The following FBXO10 variants were observed in gnomAD, a reference collection of about 807,000 sequenced individuals.
The protein encoded by FBXO10 is F-box protein 10.
FBXO10 carries 39 observed loss-of-function variants against 80.7 expected under a neutral mutation model. That is an observed-to-expected ratio of 0.48 (90% CI 0.37 to 0.63). The LOEUF (loss-of-function observed/expected upper bound fraction) is 0.63. Among genes scored for constraint, FBXO10 ranks in the 30% least tolerant of loss-of-function variants. The pLI is 0.00. For synonymous variants in FBXO10, 449 were observed against 489.6 expected (o/e 0.92, Z 1.09); for missense variants, 1,025 against 1,269.0 (o/e 0.81, Z 2.92).
intron 1 of FBXO10, among the ~76,000 whole-genome samples, chr9:37,543,577 C>A (rs1287494309): frequency 1.3e-5 from 2 of 152,132 alleles, no homozygotes; most frequent in Admixed American, 1.3e-4. Flanking sequence ...GAGAAAAGGG[C>A]AGAAGCAAGG....
intron 1 of FBXO10, among the ~76,000 whole-genome samples, chr9:37,545,154 CT>C (rs1822025018): frequency 7.1e-6 from 1 of 140,294 alleles, no homozygotes; most frequent in African/African-American, 2.7e-5. Context: ...TCGTTTATTT[CT>C]TTAGTTATAC....
At chr9:37,543,868 G>T (rs761342800) in intron 1 of FBXO10, among the ~76,000 whole-genome samples, 5 of 152,170 alleles carry the variant, frequency 3.3e-5, no homozygotes, top group Non-Finnish European at 7.4e-5. Context: ...GGTGGCTCAC[G>T]CCTGTAATCC....
chr9:37,552,853 C>T (rs1305067832), intron 1 of FBXO10, among the ~76,000 whole-genome samples: 1 of 152,170 alleles, frequency 6.6e-6, no homozygotes, highest in East Asian at 1.9e-4. Flanking sequence ...TGTCTGCACA[C>T]TGCAGAAGGA....
chr9:37,564,408 G>A (rs1168103016), intron 1 of FBXO10, among the ~76,000 whole-genome samples: 1 of 152,174 alleles, frequency 6.6e-6, no homozygotes, highest in East Asian at 1.9e-4. Context: ...GGAGCTGTGA[G>A]AAGAAGGTCA....
chr9:37,569,460 C>T (rs1588864117), intron 1 of FBXO10, among the ~76,000 whole-genome samples: 1 of 137,882 alleles, frequency 7.3e-6, no homozygotes, highest in South Asian at 2.3e-4. Flanking sequence ...GATATTTAAA[C>T]ACATCCCTCT....
At chr9:37,553,097 A>G (rs1822245891) in intron 1 of FBXO10, among the ~76,000 whole-genome samples, 1 of 150,780 alleles carries the variant, frequency 6.6e-6, no homozygotes, top group Non-Finnish European at 1.5e-5. Flanking sequence ...GCTGGAGTGT[A>G]GTGGTGCAAT....
intron 10 of FBXO10, among the ~76,000 whole-genome samples, chr9:37,514,752 T>G (rs1821141961): frequency 6.6e-6 from 1 of 152,004 alleles, no homozygotes; most frequent in Non-Finnish European, 1.5e-5. Context: ...GAGGATCGCT[T>G]GAATCTGGGA....
At chr9:37,543,588 G>A (rs1361804703) in intron 1 of FBXO10, among the ~76,000 whole-genome samples, 1 of 152,094 alleles carries the variant, frequency 6.6e-6, no homozygotes, top group Non-Finnish European at 1.5e-5. Context: ...AGAAGCAAGG[G>A]GCATCCAGTT....
chr9:37,569,864 C>T (rs1194941218), intron 1 of FBXO10, among the ~76,000 whole-genome samples: 1 of 152,136 alleles, frequency 6.6e-6, no homozygotes. Context: ...AAAAACAGAA[C>T]AAGCTCACTG....
chr9:37,570,408 C>T (rs1407349999), intron 1 of FBXO10, among the ~76,000 whole-genome samples: 3 of 151,608 alleles, frequency 2.0e-5, no homozygotes. Context: ...AAATGTATAA[C>T]CTTAAATAGA....
chr9:37,567,388 T>C (rs932143584), intron 1 of FBXO10, among the ~76,000 whole-genome samples: 2 of 151,690 alleles, frequency 1.3e-5, no homozygotes, highest in African/African-American at 4.8e-5. Context: ...CAAGCGATCC[T>C]CCTGCCTCAG....
At chr9:37,563,164 C>T (rs1289928777) in intron 1 of FBXO10, among the ~76,000 whole-genome samples, 1 of 152,186 alleles carries the variant, frequency 6.6e-6, no homozygotes, top group Non-Finnish European at 1.5e-5. Context: ...CTCATTCTCT[C>T]TCCTGCCACC....
In FBXO10 at chr9:37,525,561, A is replaced by ATT. The variant is rs11428862; in HGVS notation, c.1707-391_1707-390dup. On this transcript the variant is annotated intron_variant, in intron 5 of 10. Coordinates refer to ENST00000432825, the MANE Select transcript of FBXO10 (RefSeq NM_012166.3). The stretch of plus-strand genomic sequence containing the variant: ...TATATACCCATGCATATATATATAC[A>ATT]TTTTTTTTTTTGAGGTCTTGCTCTG... Among the ~76,000 whole-genome samples, 4 of 148,582 alleles carry ATT rather than the reference A, an allele frequency of 2.7e-5. No homozygotes were observed. In the South Asian group the frequency reaches 6.4e-4, roughly 24 times the overall value.
In FBXO10 at chr9:37,512,443, T is replaced by C. The variant is rs1821079182; in HGVS notation, c.*104A>G. 3 of 1,320,962 alleles carry C rather than the reference T, an allele frequency of 2.3e-6. No individual in the cohort carries two copies. The African/African-American group carries it at 4.4e-5, about 19-fold the overall frequency. The allele number at this position is 1,320,962 out of a possible 1,614,324, so 81.8% of individuals were successfully genotyped here. A position where few individuals can be genotyped will look rare whatever the true frequency, so the allele number is the denominator to read the frequency against. On this transcript the variant is annotated 3_prime_UTR_variant, in exon 11 of 11. Transcript: ENST00000432825. ...CGTGTTTTGGAGGCCCGGGACCCAT[T>C]TGTTCGAGGGGGAGGGGGAGGGGCG... is the stretch of plus-strand genomic sequence containing the variant.
intron 4 of FBXO10, 32 bp downstream of exon 4, chr9:37,531,872 CAAGAG>C: frequency 6.2e-7 from 1 of 1,605,476 alleles, no homozygotes; most frequent in Non-Finnish European, 8.5e-7. Flanking sequence ...TTCTGAAAAC[CAAGAG>C]TCACCCTGAA....
rs867197833 is a variant in FBXO10 at position 37,515,949 on chromosome 9, C to T, written c.2651G>A (p.Arg884Gln). Reference sequence around the variant, plus strand: ...CTTGTTGTTTTGCATGATGCATTCTCGGTTGTTTGAGATCTGCTGAAAGAT... The same window carrying T: ...CTTGTTGTTTTGCATGATGCATTCTTGGTTGTTTGAGATCTGCTGAAAGAT... ...KTIFQQISNNRECIMQNNKFL... is the reference protein window; with the variant it reads ...KTIFQQISNNQECIMQNNKFL... The change falls in exon 10 of 11, where the codon CGA (arginine) becomes CAA (glutamine). Residue 884 changes from arginine to glutamine, a missense_variant. This residue lies in a region of FBXO10 where 97 missense variants were observed against 101.8 expected (regional missense o/e 0.95). Coordinates refer to ENST00000432825, the MANE Select transcript of FBXO10 (RefSeq NM_012166.3). The T allele has an allele frequency of 1.9e-6, 3 of 1,613,994 alleles. No individual in the cohort carries two copies. Among genetic ancestry groups the T allele is most frequent in the South Asian group, 2.2e-5 (2 of 91,076 alleles).
In FBXO10 at chr9:37,522,950, C is replaced by T. The variant is rs372703709; in HGVS notation, c.1805G>A (p.Gly602Glu). 1.9e-6 allele frequency: 3 copies of T among 1,594,100 alleles called. No individual in the cohort carries two copies. Among genetic ancestry groups the T allele is most frequent in the African/African-American group, 2.7e-5 (2 of 74,430 alleles). ...TENVIRENQW[G>E]GVDIRRGGIP... ...CCCTCCACGGCGGATGTCCACACCT[C>T]CCCACTGATTCTCACGGATGACATT... is the stretch of plus-strand genomic sequence containing the variant. Residue 602 changes from glycine (G) to glutamate (E), a missense_variant, in exon 7 of 11, where the codon GGA (glycine) becomes GAA (glutamate). By Grantham distance (98) the Gly-to-Glu change is moderately conservative. Transcript: ENST00000432825.
intron 3 of FBXO10, 138 bp downstream of exon 3, chr9:37,536,972 A>C: frequency 1.5e-6 from 1 of 650,458 alleles, no homozygotes; most frequent in South Asian, 2.4e-5. Context: ...TCCTTTCCAA[A>C]TCAGATGATG....
intron 4 of FBXO10, among the ~76,000 whole-genome samples, chr9:37,531,686 C>T (rs1448605639): frequency 1.3e-5 from 2 of 152,180 alleles, no homozygotes. Flanking sequence ...CTTTCTGGTC[C>T]TCCTCCTTAT....
Sources: gnomAD v4.1 joint callset for allele counts (sites outside exome capture counted in the v4.1 genomes callset) on GRCh38, gnomAD v4.1.1 for gene constraint, gnomAD v4.1.1 regional missense constraint, MANE v1.5 for transcripts, NCBI Gene and HGNC (gene_info 2026-07-23, HGNC 2026-07-21) for gene names.